Variants in SPTLC2 observed in about 807,000 individuals in gnomAD.
SPTLC2 encodes the protein serine palmitoyltransferase long chain base subunit 2.
In SPTLC2, 21 loss-of-function variants were observed where a neutral mutation model predicts 62.0. That is an observed-to-expected ratio of 0.34 (90% CI 0.24 to 0.49). The LOEUF is 0.49. Among genes scored for constraint, SPTLC2 ranks in the 20% least tolerant of loss-of-function variants. SPTLC2 has a pLI of 0.99. For synonymous variants in SPTLC2, 261 were observed against 261.8 expected (o/e 1.00, Z 0.03); for missense variants, 511 against 713.0 (o/e 0.72, Z 3.23).
chr14:77,606,518 AT>A (rs2079906383), intron 1 of SPTLC2, among the ~76,000 whole-genome samples: 1 of 151,912 alleles, frequency 6.6e-6, no homozygotes, highest in African/African-American at 2.4e-5. Flanking sequence ...AGAAGTGGAG[AT>A]TTCTCATGTT....
In SPTLC2 at chr14:77,532,762, C is replaced by T. The variant is rs559362433; in HGVS notation, c.1304-11181G>A. 3.3e-5 allele frequency among the ~76,000 whole-genome samples: 5 copies of T among 151,330 alleles called. No individual in the cohort carries two copies. In the East Asian group the frequency reaches 7.8e-4, roughly 24 times the overall value. ...TAGTGCCACTGCACTCCAGCCTGGG[C>T]AACAGAGCAAGACTCTGTCTCAAAA... On this transcript the variant is annotated intron_variant, in intron 9 of 11. Coordinates refer to ENST00000216484, the MANE Select transcript of SPTLC2 (RefSeq NM_004863.4).
chr14:77,609,760 A>AT (rs1286324829), intron 1 of SPTLC2, among the ~76,000 whole-genome samples: 1 of 152,036 alleles, frequency 6.6e-6, no homozygotes, highest in Non-Finnish European at 1.5e-5. Flanking sequence ...TCATGGTGGC[A>AT]TATGCCTGCA....
At chr14:77,577,004 C>G in intron 3 of SPTLC2, 89 bp from the exon 4 acceptor site, 1 of 1,450,580 alleles carries the variant, frequency 6.9e-7, no homozygotes, top group Non-Finnish European at 9.6e-7. Context: ...CAAAAGGAAG[C>G]AGAGAGAACA....
intron 9 of SPTLC2, among the ~76,000 whole-genome samples, chr14:77,529,036 C>T (rs546276818): frequency 6.6e-6 from 1 of 152,160 alleles, no homozygotes; most frequent in African/African-American, 2.4e-5. Flanking sequence ...CAGGGTTTCA[C>T]CATGTTGGCC....
At chr14:77,569,222 A>C (rs187407442) in intron 5 of SPTLC2, among the ~76,000 whole-genome samples, 3 of 151,992 alleles carry the variant, frequency 2.0e-5, no homozygotes, top group South Asian at 4.2e-4. Flanking sequence ...TTTTTTTTCT[A>C]TCCTTTTCCT....
chr14:77,587,185 G>A (rs985536883), intron 2 of SPTLC2, among the ~76,000 whole-genome samples: 8 of 151,870 alleles, frequency 5.3e-5, no homozygotes, highest in East Asian at 1.9e-4. Flanking sequence ...CTGAGATCAC[G>A]CCACTGCACT....
intron 9 of SPTLC2, among the ~76,000 whole-genome samples, chr14:77,538,020 A>G (rs912497668): frequency 6.6e-6 from 1 of 152,152 alleles, no homozygotes; most frequent in East Asian, 1.9e-4. Context: ...TCCATTTTCT[A>G]TTTCCTGTGC....
chr14:77,567,355 G>A (rs1255706656), intron 5 of SPTLC2, among the ~76,000 whole-genome samples: 4 of 152,190 alleles, frequency 2.6e-5, no homozygotes, highest in Non-Finnish European at 5.9e-5. Flanking sequence ...ACAGAGAGAA[G>A]AGCAAGATGA....
intron 2 of SPTLC2, among the ~76,000 whole-genome samples, chr14:77,587,332 A>G (rs2079787419): frequency 6.6e-6 from 1 of 152,138 alleles, no homozygotes; most frequent in African/African-American, 2.4e-5. Context: ...AGACATGCAT[A>G]CTCTATAACT....
chr14:77,570,261 A>T, intron 5 of SPTLC2, 123 bp downstream of exon 5: 1 of 1,307,404 alleles, frequency 7.6e-7, no homozygotes, highest in Non-Finnish European at 1.1e-6. Context: ...TTGTGGTAGA[A>T]ATATCTTTGG....
At chr14:77,565,147 C>T (rs1201934984) in intron 5 of SPTLC2, among the ~76,000 whole-genome samples, 2 of 141,444 alleles carry the variant, frequency 1.4e-5, no homozygotes, top group Non-Finnish European at 3.0e-5. Flanking sequence ...GAGGCTGAGG[C>T]AGGAGAATTG....
rs145771234 is a variant in SPTLC2 at position 77,527,137 on chromosome 14, C to T, written c.1304-5556G>A. Among the ~76,000 whole-genome samples, 202 of 151,666 alleles carry T rather than the reference C, an allele frequency of 1.3e-3. 2 individuals are homozygous for T. Among genetic ancestry groups the T allele is most frequent in the Non-Finnish European group, 2.4e-3 (165 of 67,906 alleles). On this transcript the variant is annotated intron_variant, in intron 9 of 11. Coordinates refer to ENST00000216484, the MANE Select transcript of SPTLC2 (RefSeq NM_004863.4). ...ATTGAGATGGAGTGTCACTCTGTTG[C>T]CCAGGCTGCAGTGCAGTGGTGCGAT... is the stretch of plus-strand genomic sequence containing the variant.
In SPTLC2 at chr14:77,616,495, ACCCGTT is replaced by A; in HGVS notation, c.79_84del (p.Asn27_Gly28del). ...GCGGCTGCAGCGCTGCTCCTCACGT[ACCCGTT>A]CCGTACTTCCCCGTTCGCCACGCAG... On this transcript the variant is annotated inframe_deletion, in exon 1 of 12. Coordinates refer to ENST00000216484, the MANE Select transcript of SPTLC2 (RefSeq NM_004863.4). The A allele has an allele frequency of 6.5e-7, 1 of 1,532,216 alleles. No individual in the cohort carries two copies. The highest frequency in any genetic ancestry group is 8.7e-7 in the Non-Finnish European group (1 of 1,144,932). The allele number at this position is 1,532,216 out of a possible 1,614,324, so 94.9% of individuals were successfully genotyped here.
At chr14:77,582,931 A>G (rs1331341731) in intron 2 of SPTLC2, among the ~76,000 whole-genome samples, 2 of 152,164 alleles carry the variant, frequency 1.3e-5, no homozygotes, top group African/African-American at 4.8e-5. Flanking sequence ...GGCTGGGCGC[A>G]GTGGCTCACG....
chr14:77,540,733 CA>C (rs1400332628), intron 9 of SPTLC2, among the ~76,000 whole-genome samples: 1 of 152,166 alleles, frequency 6.6e-6, no homozygotes, highest in Non-Finnish European at 1.5e-5. Context: ...CTTAGACTCC[CA>C]AAGTGCTGGG....
In SPTLC2 at chr14:77,543,336, T is replaced by C. The variant is rs576230463; in HGVS notation, c.1303+8760A>G. ...AGAAAGTCTTAATGGACCATTCTAC[T>C]GTCCTCTGTTGGGGCTGGAACATAT... is the stretch of plus-strand genomic sequence containing the variant. On this transcript the variant is annotated intron_variant, in intron 9 of 11. Transcript: ENST00000216484. Among the ~76,000 whole-genome samples the C allele has an allele frequency of 4.6e-5, 7 of 152,290 alleles. No homozygotes were observed. In the East Asian group the frequency reaches 1.2e-3, roughly 25 times the overall value.
At chr14:77,603,526 T>C (rs767647095) in intron 1 of SPTLC2, among the ~76,000 whole-genome samples, 2 of 152,236 alleles carry the variant, frequency 1.3e-5, no homozygotes, top group Admixed American at 6.5e-5. Context: ...TCTGAATGTG[T>C]ATGTCCAGAA....
intron 9 of SPTLC2, among the ~76,000 whole-genome samples, chr14:77,542,152 G>A (rs1159077757): frequency 6.6e-6 from 1 of 151,274 alleles, no homozygotes; most frequent in Non-Finnish European, 1.5e-5. Flanking sequence ...GAGAGGGAGA[G>A]TAGAGCATGT....
intron 9 of SPTLC2, among the ~76,000 whole-genome samples, chr14:77,543,193 G>A (rs1462830923): frequency 6.6e-6 from 1 of 152,168 alleles, no homozygotes; most frequent in East Asian, 1.9e-4. Context: ...GGGACTACAG[G>A]CGTGCACCAC....
Sources: allele counts gnomAD v4.1 joint callset (sites outside exome capture counted in the v4.1 genomes callset), GRCh38; gene constraint gnomAD v4.1.1; transcripts MANE v1.5; gene names NCBI Gene and HGNC (gene_info 2026-07-23, HGNC 2026-07-21).